SEZ6L: variants seen among roughly 807,000 people sequenced by gnomAD.
SEZ6L encodes the protein seizure 6-like protein.
In SEZ6L, 37 loss-of-function variants were observed where a neutral mutation model predicts 106.2. The observed-to-expected ratio is 0.35, with a 90% CI of 0.27 to 0.46. SEZ6L has a LOEUF of 0.46. Among genes scored for constraint, SEZ6L ranks in the 20% least tolerant of loss-of-function variants. SEZ6L has a pLI of 1.00. For synonymous variants in SEZ6L, 541 were observed against 570.4 expected (o/e 0.95, Z 0.73); for missense variants, 1,172 against 1,332.8 (o/e 0.88, Z 1.88).
intron 1 of SEZ6L, among the ~76,000 whole-genome samples, chr22:26,170,102 C>A (rs2123750141): frequency 6.6e-6 from 1 of 152,224 alleles, no homozygotes; most frequent in East Asian, 1.9e-4. Flanking sequence ...CGCTTCTCTG[C>A]AACCGCACCC....
At chr22:26,280,041 C>A (rs2035775391) in intron 1 of SEZ6L, among the ~76,000 whole-genome samples, 2 of 152,160 alleles carry the variant, frequency 1.3e-5, no homozygotes, top group African/African-American at 4.8e-5. Flanking sequence ...AAAAGTGATT[C>A]TCTCTTTGAG....
intron 1 of SEZ6L, among the ~76,000 whole-genome samples, chr22:26,288,440 A>G (rs986812122): frequency 6.6e-6 from 1 of 152,156 alleles, no homozygotes; most frequent in Non-Finnish European, 1.5e-5. Flanking sequence ...AGCAGAGACA[A>G]ACAAAATGAG....
intron 12 of SEZ6L, 23 bp downstream of exon 12, chr22:26,351,266 G>A (rs770657165): frequency 1.2e-6 from 2 of 1,606,942 alleles, no homozygotes; most frequent in East Asian, 2.2e-5. Flanking sequence ...TAATGAATTG[G>A]GCCCCCAGTA....
At chr22:26,372,192 C>A (rs1019418590) in intron 13 of SEZ6L, among the ~76,000 whole-genome samples, 3 of 152,190 alleles carry the variant, frequency 2.0e-5, no homozygotes, top group African/African-American at 7.2e-5. Context: ...TTGGTGAGAC[C>A]TGCAGAGGTC....
chr22:26,325,941 A>G (rs1282872858), intron 9 of SEZ6L, among the ~76,000 whole-genome samples: 2 of 151,842 alleles, frequency 1.3e-5, no homozygotes, highest in Admixed American at 1.3e-4. Flanking sequence ...ACACACACAC[A>G]CACACACACA....
intron 1 of SEZ6L, among the ~76,000 whole-genome samples, chr22:26,275,724 A>G (rs1029643869): frequency 1.3e-5 from 2 of 152,272 alleles, no homozygotes; most frequent in Admixed American, 6.5e-5. Flanking sequence ...CTGCCTTTAC[A>G]GAAGTTATTC....
intron 1 of SEZ6L, among the ~76,000 whole-genome samples, chr22:26,194,449 C>A (rs1940449814): frequency 6.6e-6 from 1 of 152,166 alleles, no homozygotes; most frequent in Non-Finnish European, 1.5e-5. Context: ...GCTATCCTTA[C>A]CCCTGAATTC....
chr22:26,265,954 G>C (rs538553500), intron 1 of SEZ6L, among the ~76,000 whole-genome samples: 4 of 152,202 alleles, frequency 2.6e-5, no homozygotes, highest in African/African-American at 9.7e-5. Flanking sequence ...CTGATGGGGG[G>C]ATGTTCCTGA....
chr22:26,369,338 G>GTCCTTTTTTTTT (rs2083927308), intron 13 of SEZ6L, among the ~76,000 whole-genome samples: 1 of 83,618 alleles, frequency 1.2e-5, no homozygotes, highest in African/African-American at 7.3e-5. Flanking sequence ...TATATAAGCA[G>GTCCTTTTTTTTT]TTCTTTTGTT....
intron 9 of SEZ6L, among the ~76,000 whole-genome samples, chr22:26,336,581 G>T (rs1450448576): frequency 6.6e-6 from 1 of 152,166 alleles, no homozygotes; most frequent in Non-Finnish European, 1.5e-5. Context: ...TCTTAGCTTA[G>T]GGAGACACTG....
rs1276426496 is a variant in SEZ6L, at chr22:26,292,993, A to G, written c.682A>G (p.Met228Val). The change falls in exon 2 of 17, where the codon ATG becomes GTG. Residue 228 changes from methionine to valine, a missense_variant. Physicochemically the swap from Met to Val is conservative, Grantham distance 21. Transcript: ENST00000248933. Reference sequence around the variant, plus strand: ...AGAACCCGGGGAGCCTGGGCCTGACATGGCCCAGGAGGCCCCCCAGGAGGA... The same window carrying G: ...AGAACCCGGGGAGCCTGGGCCTGACGTGGCCCAGGAGGCCCCCCAGGAGGA... ...RPEPGEPGPD[M>V]AQEAPQEDTS... The G allele has an allele frequency of 2.5e-6, 4 of 1,614,010 alleles. No homozygotes were observed. Among genetic ancestry groups the G allele is most frequent in the Non-Finnish European group, 2.5e-6 (3 of 1,179,938 alleles).
chr22:26,258,322 CAT>C (rs1411090820), intron 1 of SEZ6L, among the ~76,000 whole-genome samples: 1 of 152,216 alleles, frequency 6.6e-6, no homozygotes, highest in Non-Finnish European at 1.5e-5. Context: ...ATGTGTCAGA[CAT>C]GTGAATGGTT....
chr22:26,293,007 C>A lies in SEZ6L; in HGVS notation c.696C>A (p.Ala232=). The A allele has an allele frequency of 6.2e-7, 1 of 1,614,132 alleles. No individual in the cohort carries two copies. Among genetic ancestry groups the A allele is most frequent in the South Asian group, 1.1e-5 (1 of 91,084 alleles). ...CTGGGCCTGACATGGCCCAGGAGGC[C>A]CCCCAGGAGGACACCAGCCCCATGG... ...GEPGPDMAQE[A]PQEDTSPMAL... The change falls in exon 2 of 17, where the codon GCC becomes GCA. Residue 232 remains alanine, a synonymous_variant. Transcript: ENST00000248933.
chr22:26,359,392 G>A (rs2083539671), intron 12 of SEZ6L, among the ~76,000 whole-genome samples: 1 of 152,154 alleles, frequency 6.6e-6, no homozygotes, highest in Non-Finnish European at 1.5e-5. Flanking sequence ...TGGTGCAGTG[G>A]TTAAGACCGG....
At position 26,340,583 on chromosome 22, in the gene SEZ6L, T is replaced by C; in HGVS notation, c.2163T>C (p.Pro721=). 6.2e-7 allele frequency: 1 copy of C among 1,614,214 alleles called. No individual in the cohort carries two copies. Among genetic ancestry groups the C allele is most frequent in the Non-Finnish European group, 8.5e-7 (1 of 1,180,030 alleles). The change falls in exon 10 of 17, where the codon CCT becomes CCC. Residue 721 remains proline (P), a synonymous_variant. Coordinates refer to ENST00000248933, the MANE Select transcript of SEZ6L (RefSeq NM_021115.5). ...TAACCATCCAGTTCCATTCGGACCC[T>C]GCTGGCCTCATCTTTGGAAAGGGCC... ...PDLTIQFHSD[P]AGLIFGKGQG...
chr22:26,191,149 C>T (rs764397903), intron 1 of SEZ6L, among the ~76,000 whole-genome samples: 1 of 152,188 alleles, frequency 6.6e-6, no homozygotes, highest in African/African-American at 2.4e-5. Context: ...AAGAGGCAAA[C>T]ATTTAAGCAA....
intron 1 of SEZ6L, among the ~76,000 whole-genome samples, chr22:26,171,368 T>G (rs1938592123): frequency 6.6e-6 from 1 of 151,910 alleles, no homozygotes; most frequent in African/African-American, 2.4e-5. Flanking sequence ...AGTCCAGCTC[T>G]CCCTCCCCCA....
intron 4 of SEZ6L, among the ~76,000 whole-genome samples, chr22:26,298,436 C>G (rs1263563905): frequency 2.0e-5 from 3 of 152,220 alleles, no homozygotes; most frequent in Non-Finnish European, 4.4e-5. Flanking sequence ...TCCCCACCAC[C>G]ACCTGTAAGG....
intron 9 of SEZ6L, among the ~76,000 whole-genome samples, chr22:26,331,188 C>T (rs557611482): frequency 1.3e-5 from 2 of 152,314 alleles, no homozygotes; most frequent in African/African-American, 4.8e-5. Flanking sequence ...GCATACACTG[C>T]CCTCTGCAGG....
Sources: allele counts gnomAD v4.1 joint callset (sites outside exome capture counted in the v4.1 genomes callset), GRCh38; gene constraint gnomAD v4.1.1; transcripts MANE v1.5; gene names NCBI Gene and HGNC (gene_info 2026-07-23, HGNC 2026-07-21).